MLLT6: variants seen among roughly 807,000 people sequenced by gnomAD.
MLLT6 encodes the protein protein AF-17.
In MLLT6, 22 loss-of-function variants were observed where a neutral mutation model predicts 103.0. The observed-to-expected ratio is 0.21, with a 90% CI of 0.15 to 0.31. The LOEUF is 0.31. MLLT6 is among the 10% of genes least tolerant of loss of function. MLLT6 has a pLI of 1.00. For synonymous variants in MLLT6, 606 were observed against 623.5 expected, an observed-to-expected ratio of 0.97 and a Z score of 0.42; for missense variants, 1,199 against 1,441.7, an observed-to-expected ratio of 0.83 and a Z score of 2.73.
At position 38,709,238 on chromosome 17, in the gene MLLT6, T is replaced by C. The variant is rs1419611817; in HGVS notation, c.420T>C (p.Cys140=). 1.2e-6 allele frequency: 2 copies of C among 1,613,580 alleles called. No homozygotes were observed. The highest frequency in any genetic ancestry group is 2.7e-5 in the African/African-American group (2 of 74,924). The stretch of plus-strand genomic sequence containing the variant: ...CGGCCTCGGGAGCCTGCATGACCTG[T>C]AACCGCCATGGATGTCGACAAGCTT... ...SKAASGACMT[C]NRHGCRQAFH... Residue 140 remains cysteine (C), a synonymous_variant, in exon 5 of 20, where the codon TGT becomes TGC. Transcript: ENST00000621332. This position sits in a 1 kb window ranked among gnomAD's most constrained non-coding sequence, Gnocchi z 4.3.
At chr17:38,706,013 C>G (rs905974459) in intron 1 of MLLT6, 6 of 187,210 alleles carry the variant, frequency 3.2e-5, no homozygotes, top group African/African-American at 1.4e-4. Flanking sequence ...ACTCCCCACG[C>G]CCCACACCGC....
chr17:38,709,047 G>A lies in MLLT6; in HGVS notation c.355-126G>A, dbSNP rs1361719523. On this transcript the variant is annotated intron_variant, in intron 4 of 19. Transcript: ENST00000621332. The surrounding 1 kb of genome is among the most constrained non-coding windows in gnomAD (Gnocchi z 4.3). ...ACCATAGAGCGTTTTCATCACTGCA[G>A]ACAGTTCTGTGGGATAGCACTGATC... 4 of 734,700 alleles carry A rather than the reference G, an allele frequency of 5.4e-6. No individual in the cohort carries two copies. The highest frequency in any genetic ancestry group is 9.2e-6 in the Non-Finnish European group (4 of 434,158). The allele number at this position is 734,700 out of a possible 1,614,324, so 45.5% of individuals were successfully genotyped here. A position where few individuals can be genotyped will look rare whatever the true frequency, so the allele number is the denominator to read the frequency against.
At chr17:38,712,650 C>A in intron 7 of MLLT6, 41 bp from the exon 8 acceptor site, 3 of 1,346,408 alleles carry the variant, frequency 2.2e-6, no homozygotes, top group Non-Finnish European at 3.2e-6. Flanking sequence ...CTCGCCCAGA[C>A]AGCCCCCCAG....
intron 12 of MLLT6, 93 bp downstream of exon 12, chr17:38,718,046 T>C: frequency 1.1e-6 from 1 of 889,844 alleles, no homozygotes; most frequent in Non-Finnish European, 1.8e-6. Flanking sequence ...GAGAGCTTTC[T>C]GGCTGCCCCC....
intron 18 of MLLT6, 55 bp downstream of exon 18, chr17:38,722,823 C>T: frequency 7.6e-7 from 1 of 1,322,544 alleles, no homozygotes; most frequent in Non-Finnish European, 1.1e-6. Context: ...TGGAAGGGCA[C>T]ATCTCAGAGG....
At position 38,705,579 on chromosome 17, in the gene MLLT6, C is replaced by A; in HGVS notation, c.-54C>A. 1 of 780,860 alleles carries A rather than the reference C, an allele frequency of 1.3e-6. No homozygotes were observed. The highest frequency in any genetic ancestry group is 1.9e-5 in the South Asian group (1 of 51,898). 48.4% of individuals were successfully genotyped at this position (780,860 alleles called of 1,614,324 possible). A position where few individuals can be genotyped will look rare whatever the true frequency, so the allele number is the denominator to read the frequency against. ...CCGCTCCCTCCCTCCCCCCTGACCC[C>A]CGACCCCCGCCGGCCGGCCCCCCGC... On this transcript the variant is annotated 5_prime_UTR_variant, in exon 1 of 20. Coordinates refer to ENST00000621332, the MANE Select transcript of MLLT6 (RefSeq NM_005937.4).
intron 13 of MLLT6, 74 bp downstream of exon 13, chr17:38,719,657 G>C: frequency 6.4e-7 from 1 of 1,565,750 alleles, no homozygotes; most frequent in Non-Finnish European, 8.7e-7. Flanking sequence ...CGGAGAGACC[G>C]GCGTGGGCTG....
At chr17:38,725,331 C>G in intron 19 of MLLT6, 2 of 556,292 alleles carry the variant, frequency 3.6e-6, no homozygotes, top group East Asian at 3.2e-5. Flanking sequence ...TGAGGGCACA[C>G]GGCCTTAGCT....
rs1906193638 is a variant in MLLT6 at position 38,729,206 on chromosome 17, A to G, written c.*3608A>G. 1 of 233,104 alleles carries G rather than the reference A, an allele frequency of 4.3e-6. No homozygotes were observed. Among genetic ancestry groups the G allele is most frequent in the African/African-American group, 2.2e-5 (1 of 45,328 alleles). The allele number at this position is 233,104 out of a possible 1,614,324, so 14.4% of individuals were successfully genotyped here. On this transcript the variant is annotated 3_prime_UTR_variant, in exon 20 of 20. Coordinates refer to ENST00000621332, the MANE Select transcript of MLLT6 (RefSeq NM_005937.4). ...GCTTCTAGGATCTTCCTTGGTGTGC[A>G]ATGGGCCAGTTAGGGGTAGGCAGCT...
At position 38,724,140 on chromosome 17, in the gene MLLT6, C is replaced by T. The variant is rs1156968438; in HGVS notation, c.2884-480C>T. 6.5e-6 allele frequency: 1 copy of T among 153,136 alleles called. No homozygotes were observed. Among genetic ancestry groups the T allele is most frequent in the Non-Finnish European group, 1.5e-5 (1 of 68,922 alleles). 9.5% of individuals were successfully genotyped at this position (153,136 alleles called of 1,614,324 possible). A position where few individuals can be genotyped will look rare whatever the true frequency, so the allele number is the denominator to read the frequency against. On this transcript the variant is annotated intron_variant, in intron 18 of 19. Transcript: ENST00000621332. The surrounding 1 kb of genome is among the most constrained non-coding windows in gnomAD (Gnocchi z 5.4). ...GATGTGGTGGCAGGCCCCTGTAATC[C>T]AGCTACCTGGGAGGCTGAGGCAGGA... is the stretch of plus-strand genomic sequence containing the variant.
In MLLT6 at chr17:38,717,626, T is replaced by TCA; in HGVS notation, c.1833+14_1833+15insAC. 6.2e-7 allele frequency: 1 copy of TCA among 1,610,894 alleles called. No homozygotes were observed. The highest frequency in any genetic ancestry group is 2.2e-5 in the East Asian group (1 of 44,832). The stretch of plus-strand genomic sequence containing the variant: ...CTCCACCACTCAGGTGAGACCTGAC[T>TCA]CCTGGGCTCCTCCTTCCCTGGGCAG... On this transcript the variant is annotated intron_variant, in intron 11 of 19. Transcript: ENST00000621332.
At chr17:38,705,909 G>T in intron 1 of MLLT6, 168 bp downstream of exon 1, 1 of 281,664 alleles carries the variant, frequency 3.6e-6, no homozygotes, top group South Asian at 1.6e-4. Flanking sequence ...CTGGAAGACC[G>T]GGTCAGGCAT....
chr17:38,707,063 C>T (rs1270211013), intron 2 of MLLT6, 34 bp downstream of exon 2: 5 of 1,568,444 alleles, frequency 3.2e-6, no homozygotes, highest in Non-Finnish European at 4.4e-6. Flanking sequence ...CACTCCCCTG[C>T]CCCTCCCACA....
At chr17:38,725,028 G>T (rs1435696983) in intron 19 of MLLT6, 52 bp downstream of exon 19, 4 of 1,275,332 alleles carry the variant, frequency 3.1e-6, no homozygotes, top group Non-Finnish European at 4.3e-6. Context: ...GATGGGTAGA[G>T]ATGGATTGTC....
intron 6 of MLLT6, among the ~76,000 whole-genome samples, chr17:38,710,205 G>T (rs897171994): frequency 6.6e-6 from 1 of 152,182 alleles, no homozygotes; most frequent in Non-Finnish European, 1.5e-5. Context: ...TGGGGTGTTT[G>T]GTGGGGAAGA....
chr17:38,718,169 G>GT (rs1420786402), intron 12 of MLLT6: 9 of 455,758 alleles, frequency 2.0e-5, no homozygotes, highest in Non-Finnish European at 3.5e-5. Flanking sequence ...GAGATCAGGA[G>GT]TTTGAGACCA....
intron 1 of MLLT6, 57 bp downstream of exon 1, chr17:38,705,798 C>T (rs1376574803): frequency 2.6e-6 from 2 of 759,638 alleles, no homozygotes; most frequent in Non-Finnish European, 1.8e-6. Context: ...GCGCGGGGCG[C>T]CCCCGGCCGC....
At chr17:38,719,349 T>A in intron 12 of MLLT6, 168 bp from the exon 13 acceptor site, 2 of 626,418 alleles carry the variant, frequency 3.2e-6, no homozygotes, top group Non-Finnish European at 5.5e-6. Context: ...AGGGGCAGGG[T>A]TTCCAAGCCA....
intron 1 of MLLT6, chr17:38,706,096 C>T (rs1904910136): frequency 6.5e-6 from 1 of 154,014 alleles, no homozygotes; most frequent in Non-Finnish European, 1.4e-5. Flanking sequence ...GGTCCCGGCT[C>T]CTGGAGGAAG....
Sources: allele counts gnomAD v4.1 joint callset (sites outside exome capture counted in the v4.1 genomes callset), GRCh38; gene constraint gnomAD v4.1.1; non-coding constraint Gnocchi (gnomAD v3.1); transcripts MANE v1.5; gene names NCBI Gene and HGNC (gene_info 2026-07-23, HGNC 2026-07-21).